PBX1: variants seen among roughly 807,000 people sequenced by gnomAD.
PBX1 encodes the protein PBX homeobox 1, also known as pre-B-cell leukemia transcription factor 1.
A neutral mutation model predicts 53.4 loss-of-function variants in PBX1; 6 were observed. The ratio of observed to expected loss-of-function variants is 0.11; its 90% confidence interval spans 0.06 to 0.22. The LOEUF (loss-of-function observed/expected upper bound fraction) is 0.22. Among genes scored for constraint, PBX1 ranks in the 10% least tolerant of loss-of-function variants. The pLI is 1.00. For missense variants in PBX1, 251 were observed against 551.4 expected (o/e 0.46, Z 5.46); for synonymous variants, 204 against 212.3 (o/e 0.96, Z 0.34).
chr1:164,884,230 A>G (rs1256890277), intron 2 of PBX1, among the ~76,000 whole-genome samples: 1 of 152,242 alleles, frequency 6.6e-6, no homozygotes. Flanking sequence ...AAAAGAAATT[A>G]TAAACAGGTG....
intron 2 of PBX1, among the ~76,000 whole-genome samples, chr1:164,710,400 T>G (rs1663686558): frequency 6.6e-6 from 1 of 152,046 alleles, no homozygotes; most frequent in African/African-American, 2.4e-5. Context: ...AGGTGCTGGT[T>G]TTTTTCTTTT....
chr1:164,599,824 A>G (rs985485897), intron 2 of PBX1, among the ~76,000 whole-genome samples: 11 of 152,214 alleles, frequency 7.2e-5, no homozygotes, highest in African/African-American at 2.7e-4. Flanking sequence ...TTGCTAAGCA[A>G]AGAGCTGGCT....
intron 1 of PBX1, 187 bp downstream of exon 1, chr1:164,560,200 T>C (rs1652931474): frequency 3.8e-6 from 2 of 523,386 alleles, no homozygotes; most frequent in East Asian, 3.4e-5. Flanking sequence ...GAAAGTGTAA[T>C]CGCCCATGCC....
chr1:164,644,460 G>C (rs1659331083), intron 2 of PBX1, among the ~76,000 whole-genome samples: 1 of 152,114 alleles, frequency 6.6e-6, no homozygotes, highest in Admixed American at 6.5e-5. Context: ...TCCTCTAAGA[G>C]AGCCTGCCAC....
At chr1:164,794,312 C>T (rs1668682778) in intron 3 of PBX1, among the ~76,000 whole-genome samples, 1 of 152,102 alleles carries the variant, frequency 6.6e-6, no homozygotes, top group Non-Finnish European at 1.5e-5. Flanking sequence ...TAGAAATAGG[C>T]ATTTTAAAAA....
chr1:164,716,409 A>G (rs1195884881), intron 2 of PBX1, among the ~76,000 whole-genome samples: 4 of 152,204 alleles, frequency 2.6e-5, no homozygotes, highest in African/African-American at 2.4e-5. Flanking sequence ...CAGAGAAAGC[A>G]TGACCTGGTG....
At chr1:164,814,342 A>C (rs1317933705) in intron 6 of PBX1, 2 of 152,248 alleles carry the variant, frequency 1.3e-5, no homozygotes, top group Non-Finnish European at 2.9e-5. Flanking sequence ...GCAGAGTTTG[A>C]AGTCTAGAGT....
At chr1:164,789,428 C>T (rs1668380640) in intron 2 of PBX1, among the ~76,000 whole-genome samples, 1 of 152,084 alleles carries the variant, frequency 6.6e-6, no homozygotes, top group Non-Finnish European at 1.5e-5. Flanking sequence ...ACCTGTGTAG[C>T]TCCTGGAGGA....
chr1:164,707,387 C>A (rs1373856002), intron 2 of PBX1, among the ~76,000 whole-genome samples: 4 of 135,426 alleles, frequency 3.0e-5, no homozygotes, highest in African/African-American at 1.2e-4. Context: ...GAGACTAACA[C>A]CACTGAGGTG....
intron 2 of PBX1, among the ~76,000 whole-genome samples, chr1:164,596,830 T>C (rs1655794318): frequency 1.3e-5 from 2 of 152,158 alleles, no homozygotes; most frequent in South Asian, 4.1e-4. Context: ...CACTCATCTC[T>C]GAGCTTTTTT....
At chr1:164,699,524 C>G (rs1284144438) in intron 2 of PBX1, among the ~76,000 whole-genome samples, 1 of 152,148 alleles carries the variant, frequency 6.6e-6, no homozygotes, top group African/African-American at 2.4e-5. Flanking sequence ...AACAGGGTGT[C>G]ACACATGTGC....
chr1:164,807,939 C>T (rs566909374), intron 5 of PBX1, among the ~76,000 whole-genome samples: 2 of 152,268 alleles, frequency 1.3e-5, no homozygotes, highest in East Asian at 3.9e-4. Flanking sequence ...GGGTTCTTCC[C>T]ATCGAGCACT....
In PBX1 at chr1:164,615,619, C is replaced by T. The variant is rs139124761; in HGVS notation, c.265+52308C>T. On this transcript the variant is annotated intron_variant, in intron 2 of 8. Transcript: ENST00000420696. The stretch of plus-strand genomic sequence containing the variant: ...GCTTTATTAACAGCCAGCCGCCGCA[C>T]CGTTGATTGGATCGACGAGGTGGTG... Among the ~76,000 whole-genome samples, 597 of 152,236 alleles carry T rather than the reference C, an allele frequency of 3.9e-3. 1 individual carries two copies. Among genetic ancestry groups the T allele is most frequent in the Non-Finnish European group, 6.5e-3 (440 of 68,028 alleles).
At chr1:164,658,731 T>C (rs1660313803) in intron 2 of PBX1, among the ~76,000 whole-genome samples, 1 of 152,240 alleles carries the variant, frequency 6.6e-6, no homozygotes, top group Admixed American at 6.5e-5. Flanking sequence ...AATTGGGATT[T>C]TAATAGTTAC....
chr1:164,722,669 C>A (rs1030114232), intron 2 of PBX1, among the ~76,000 whole-genome samples: 2 of 152,148 alleles, frequency 1.3e-5, no homozygotes, highest in African/African-American at 4.8e-5. Context: ...GTTCCTCATT[C>A]TTTTCTTTGT....
chr1:164,863,085 T>C (rs181164897), intron 2 of PBX1, among the ~76,000 whole-genome samples: 42 of 152,188 alleles, frequency 2.8e-4, no homozygotes, highest in Admixed American at 7.2e-4. Flanking sequence ...TTGCTGAGTG[T>C]GGTAAAAAAA....
chr1:164,720,242 C>A (rs949188180), intron 2 of PBX1, among the ~76,000 whole-genome samples: 1 of 152,054 alleles, frequency 6.6e-6, no homozygotes, highest in African/African-American at 2.4e-5. Flanking sequence ...CTGCATACTT[C>A]TGTATTTTAT....
intron 2 of PBX1, chr1:164,674,521 A>G (rs1661310048): frequency 6.6e-6 from 1 of 152,220 alleles, no homozygotes; most frequent in African/African-American, 2.4e-5. Flanking sequence ...TTGGAGTGAA[A>G]GCTAGGAGCC....
At chr1:164,809,648 G>T (rs1169281729) in intron 5 of PBX1, among the ~76,000 whole-genome samples, 1 of 152,068 alleles carries the variant, frequency 6.6e-6, no homozygotes, top group Non-Finnish European at 1.5e-5. Context: ...CAAAGCCAGG[G>T]AATACCTCTT....
Sources: allele counts gnomAD v4.1 joint callset (sites outside exome capture counted in the v4.1 genomes callset), GRCh38; gene constraint gnomAD v4.1.1; transcripts MANE v1.5; gene names NCBI Gene and HGNC (gene_info 2026-07-23, HGNC 2026-07-21).